Variants in ADAM18 observed in about 807,000 individuals in gnomAD.
ADAM18 encodes ADAM metallopeptidase domain 18.
In ADAM18, 117 loss-of-function variants were observed where a neutral mutation model predicts 94.4. The ratio of observed to expected loss-of-function variants is 1.24; its 90% CI spans 1.07 to 1.45. The LOEUF is 1.45. Ranked by LOEUF, ADAM18 falls within the 40% of genes most tolerant of loss-of-function variation. ADAM18 has a pLI of 0.00. For synonymous variants in ADAM18, 327 were observed against 291.6 expected (o/e 1.12, Z -1.24); for missense variants, 936 against 880.0 (o/e 1.06, Z -0.81).
chr8:39,587,597 A>G (rs567291211), intron 2 of ADAM18, among the ~76,000 whole-genome samples: 1 of 152,168 alleles, frequency 6.6e-6, no homozygotes, highest in African/African-American at 2.4e-5. Flanking sequence ...GGTGCATGCC[A>G]CCACACCTGG....
intron 16 of ADAM18, among the ~76,000 whole-genome samples, chr8:39,680,803 T>A (rs1821436665): frequency 2.0e-5 from 3 of 152,194 alleles, no homozygotes; most frequent in Admixed American, 1.3e-4. Flanking sequence ...CCAGAAAACA[T>A]GATAATATGT....
chr8:39,617,317 T>G (rs939191294), intron 6 of ADAM18, among the ~76,000 whole-genome samples: 6 of 152,128 alleles, frequency 3.9e-5, no homozygotes, highest in Non-Finnish European at 7.4e-5. Context: ...CCAGTTAGAA[T>G]GGCTATTACT....
intron 18 of ADAM18, among the ~76,000 whole-genome samples, chr8:39,716,300 A>T (rs1488656680): frequency 3.3e-5 from 5 of 151,494 alleles, no homozygotes; most frequent in Non-Finnish European, 5.9e-5. Flanking sequence ...TTTATTTGAA[A>T]TCTTTCTCTC....
intron 18 of ADAM18, among the ~76,000 whole-genome samples, chr8:39,720,556 A>G (rs1453135021): frequency 6.6e-6 from 1 of 151,508 alleles, no homozygotes; most frequent in East Asian, 1.9e-4. Flanking sequence ...AGTTAAACCC[A>G]TTCTTTATCA....
At chr8:39,601,355 TAAG>T (rs1818898566) in intron 2 of ADAM18, among the ~76,000 whole-genome samples, 1 of 152,260 alleles carries the variant, frequency 6.6e-6, no homozygotes, top group Non-Finnish European at 1.5e-5. Context: ...TCTCCATTTA[TAAG>T]TAATACTTGT....
At chr8:39,611,661 A>C in intron 6 of ADAM18, 4 of 877,742 alleles carry the variant, frequency 4.6e-6, no homozygotes, top group Non-Finnish European at 5.5e-6. Flanking sequence ...GACAAACTGC[A>C]CATTAATTAT....
chr8:39,609,086 C>T lies in ADAM18; in HGVS notation c.233C>T (p.Thr78Ile), dbSNP rs1156456556. 2.5e-6 allele frequency: 4 copies of T among 1,591,866 alleles called. No individual in the cohort carries two copies. In the African/African-American group the frequency reaches 4.1e-5, roughly 16 times the overall value. ...TTTTTGGTTTATACATATAATGAAA[C>T]TGGATCTTTGCATTCTGTGTCTCCA... ...QNFLVYTYNE[T>I]GSLHSVSPYF... The change falls in exon 4 of 20, where the codon ACT (threonine) becomes ATT (isoleucine). Residue 78 changes from threonine (T) to isoleucine (I), a missense_variant. Physicochemically the swap from Thr to Ile is moderately conservative, Grantham distance 89. Coordinates refer to ENST00000265707, the MANE Select transcript of ADAM18 (RefSeq NM_014237.3).
At chr8:39,675,928 C>T (rs1821288424) in intron 14 of ADAM18, among the ~76,000 whole-genome samples, 2 of 152,218 alleles carry the variant, frequency 1.3e-5, no homozygotes, top group Admixed American at 1.3e-4. Context: ...CCACTCCAGA[C>T]CCTGTTTCCC....
chr8:39,675,467 C>T (rs1821274518), intron 14 of ADAM18, among the ~76,000 whole-genome samples: 1 of 152,170 alleles, frequency 6.6e-6, no homozygotes, highest in Non-Finnish European at 1.5e-5. Context: ...TGGTTTTCAG[C>T]TCCATCAGGT....
chr8:39,666,090 T>G (rs1049633841), intron 13 of ADAM18, among the ~76,000 whole-genome samples: 2 of 152,126 alleles, frequency 1.3e-5, no homozygotes, highest in Non-Finnish European at 2.9e-5. Flanking sequence ...CAGACTGGAG[T>G]GCAGTGGCAC....
At chr8:39,696,028 G>A (rs1228201491) in intron 17 of ADAM18, among the ~76,000 whole-genome samples, 1 of 151,138 alleles carries the variant, frequency 6.6e-6, no homozygotes, top group Non-Finnish European at 1.5e-5. Context: ...GCAAGCACAG[G>A]GGTTCCAATT....
chr8:39,594,400 C>G (rs1818674014), intron 2 of ADAM18, among the ~76,000 whole-genome samples: 1 of 152,062 alleles, frequency 6.6e-6, no homozygotes, highest in Admixed American at 6.6e-5. Flanking sequence ...CCATACTTTC[C>G]CCTCTATGTT....
At chr8:39,611,350 A>G (rs1819266114) in intron 6 of ADAM18, 1 of 760,774 alleles carries the variant, frequency 1.3e-6, no homozygotes, top group Non-Finnish European at 1.6e-6. Context: ...TGTTTACCAT[A>G]CTTGGAGCTC....
chr8:39,602,133 G>T (rs1042611028), intron 2 of ADAM18, among the ~76,000 whole-genome samples: 3 of 152,150 alleles, frequency 2.0e-5, no homozygotes, highest in African/African-American at 7.2e-5. Context: ...ACATTGGTGT[G>T]CAGATAACCT....
chr8:39,597,318 C>T (rs1290648726), intron 2 of ADAM18, among the ~76,000 whole-genome samples: 1 of 151,986 alleles, frequency 6.6e-6, no homozygotes, highest in Non-Finnish European at 1.5e-5. Flanking sequence ...ATGGATCATG[C>T]CTCTGGGGTT....
intron 17 of ADAM18, among the ~76,000 whole-genome samples, chr8:39,695,039 G>A (rs933199773): frequency 6.6e-6 from 1 of 151,354 alleles, no homozygotes; most frequent in African/African-American, 2.4e-5. Flanking sequence ...ATCCCTCCAT[G>A]TCTTTTCATG....
chr8:39,611,649 T>C (rs1819274808), intron 6 of ADAM18: 1 of 916,432 alleles, frequency 1.1e-6, no homozygotes. Context: ...GAGTAAAAGT[T>C]GGACAAACTG....
intron 7 of ADAM18, among the ~76,000 whole-genome samples, chr8:39,631,029 A>G (rs549893518): frequency 6.6e-6 from 1 of 152,080 alleles, no homozygotes. Flanking sequence ...TTTTTTGAAG[A>G]GTAAATGTAT....
chr8:39,649,999 A>T (rs1031246173), intron 12 of ADAM18, among the ~76,000 whole-genome samples: 1 of 152,194 alleles, frequency 6.6e-6, no homozygotes, highest in Non-Finnish European at 1.5e-5. Flanking sequence ...AGAGGTAAAT[A>T]GTTGCAACAG....
Sources: allele counts gnomAD v4.1 joint callset (sites outside exome capture counted in the v4.1 genomes callset), GRCh38; gene constraint gnomAD v4.1.1; transcripts MANE v1.5; gene names NCBI Gene and HGNC (gene_info 2026-07-23, HGNC 2026-07-21).